Variants in NCDN observed in about 807,000 individuals in gnomAD.
The protein encoded by NCDN is neurochondrin.
Under a neutral mutation model 60.7 loss-of-function variants are expected in NCDN, and 9 were observed. That is an observed-to-expected ratio of 0.15 (90% confidence interval 0.09 to 0.26). The LOEUF (loss-of-function observed/expected upper bound fraction) is 0.26. NCDN is among the 10% of genes least tolerant of loss of function. The pLI is 1.00. For missense variants in NCDN, 578 were observed against 975.2 expected, an observed-to-expected ratio of 0.59 and a Z score of 5.42; for synonymous variants, 409 against 442.5, an observed-to-expected ratio of 0.92 and a Z score of 0.95.
rs1418681890 is a variant in NCDN, at chr1:35,563,493, A to G, written c.1610+67A>G. On this transcript the variant is annotated intron_variant, in intron 5 of 6. Transcript: ENST00000373243. This position sits in a 1 kb window ranked among gnomAD's most constrained non-coding sequence, Gnocchi z 6.6. Reference sequence around the variant, plus strand: ...CAAAGGAGGCTGCCCAGTTGCCTCAATTCTCAGTCTCCTACTTTGCCCCCC... The same window carrying G: ...CAAAGGAGGCTGCCCAGTTGCCTCAGTTCTCAGTCTCCTACTTTGCCCCCC... The G allele has an allele frequency of 5.2e-6, 8 of 1,527,052 alleles. No individual in the cohort carries two copies. Among genetic ancestry groups the G allele is most frequent in the East Asian group, 2.3e-5 (1 of 44,068 alleles). The allele number at this position is 1,527,052 out of a possible 1,614,324, so 94.6% of individuals were successfully genotyped here. A position where few individuals can be genotyped will look rare whatever the true frequency, so the allele number is the denominator to read the frequency against.
Position 35,557,897 on chromosome 1 carries a change from C to T in NCDN, c.-294C>T. On this transcript the variant is annotated 5_prime_UTR_variant, in exon 1 of 7. Transcript: ENST00000373243. The stretch of plus-strand genomic sequence containing the variant: ...GGCCGCAGCCTGGTGAGCTCAGCCC[C>T]CTTCGGGCCCTCCCCTGCATCCCAG... The T allele has an allele frequency of 3.2e-6, 2 of 625,394 alleles. No individual in the cohort carries two copies. The highest frequency in any genetic ancestry group is 1.6e-5 in the South Asian group (1 of 61,474). 38.7% of individuals were successfully genotyped at this position (625,394 alleles called of 1,614,324 possible).
At chr1:35,564,301 C>T (rs547528039) in intron 6 of NCDN, among the ~76,000 whole-genome samples, 1 of 152,302 alleles carries the variant, frequency 6.6e-6, no homozygotes, top group South Asian at 2.1e-4. Context: ...TACCTCACCC[C>T]CATCAGTGAC....
chr1:35,558,540 A>G lies in NCDN; in HGVS notation c.33+317A>G. Reference sequence around the variant, plus strand: ...CTGGCTGGAGGGGTGGGGTCCCCAAAGGGGCCTCCAAGCCTTCCCTGTTGA... The same window carrying G: ...CTGGCTGGAGGGGTGGGGTCCCCAAGGGGGCCTCCAAGCCTTCCCTGTTGA... On this transcript the variant is annotated intron_variant, in intron 1 of 6. Transcript: ENST00000373243. This position sits in a 1 kb window ranked among gnomAD's most constrained non-coding sequence, Gnocchi z 6.3. 1 of 1,333,036 alleles carries G rather than the reference A, an allele frequency of 7.5e-7. No homozygotes were observed. The highest frequency in any genetic ancestry group is 9.6e-7 in the Non-Finnish European group (1 of 1,040,256). The allele number at this position is 1,333,036 out of a possible 1,614,324, so 82.6% of individuals were successfully genotyped here. A position where few individuals can be genotyped will look rare whatever the true frequency, so the allele number is the denominator to read the frequency against.
chr1:35,558,075 TGCCC>T lies in NCDN; in HGVS notation c.-115_-112del. On this transcript the variant is annotated 5_prime_UTR_variant, in exon 1 of 7. The change creates a premature stop within an existing upstream ORF in the 5' untranslated region. Coordinates refer to ENST00000373243, the MANE Select transcript of NCDN (RefSeq NM_014284.3). The surrounding 1 kb of genome is among the most constrained non-coding windows in gnomAD (Gnocchi z 6.3). ...ATATATATCTTTTTTTTTTTTAATT[TGCCC>T]TGTCATCTTTGGGGGCTGTCTCCCA... 2 of 1,411,500 alleles carry T rather than the reference TGCCC, an allele frequency of 1.4e-6. No individual in the cohort carries two copies. The highest frequency in any genetic ancestry group is 2.0e-5 in the Admixed American group (1 of 50,332). 87.4% of individuals were successfully genotyped at this position (1,411,500 alleles called of 1,614,324 possible).
At position 35,562,880 on chromosome 1, in the gene NCDN, G is replaced by A. The variant is rs1419746999; in HGVS notation, c.1385+247G>A. On this transcript the variant is annotated intron_variant, in intron 4 of 6. Coordinates refer to ENST00000373243, the MANE Select transcript of NCDN (RefSeq NM_014284.3). The surrounding 1 kb of genome is among the most constrained non-coding windows in gnomAD (Gnocchi z 6.8). Reference sequence around the variant, plus strand: ...CTTATTGAGCACCTACTACGAGCCAGGTATTTTGCTATACCCTTTACCAAA... The same window carrying A: ...CTTATTGAGCACCTACTACGAGCCAAGTATTTTGCTATACCCTTTACCAAA... Among the ~76,000 whole-genome samples the A allele has an allele frequency of 6.6e-6, 1 of 152,198 alleles. No individual in the cohort carries two copies. Among genetic ancestry groups the A allele is most frequent in the African/African-American group, 2.4e-5 (1 of 41,436 alleles).
Position 35,558,872 on chromosome 1 carries a change from C to T in NCDN, c.34-235C>T, listed in dbSNP as rs1053386006. Among the ~76,000 whole-genome samples the T allele has an allele frequency of 1.1e-4, 17 of 152,128 alleles. No individual in the cohort carries two copies. The highest frequency in any genetic ancestry group is 2.2e-4 in the Non-Finnish European group (15 of 68,018). ...AGCAGCATGCATGGTCCTTCTTTCC[C>T]GCTTTCTGGAGGTGACCTTGGACCA... On this transcript the variant is annotated intron_variant, in intron 1 of 6. Coordinates refer to ENST00000373243, the MANE Select transcript of NCDN (RefSeq NM_014284.3). The surrounding 1 kb of genome is among the most constrained non-coding windows in gnomAD (Gnocchi z 6.3).
Position 35,566,391 on chromosome 1 carries a change from G to T in NCDN, c.*728G>T. 4.4e-6 allele frequency: 1 copy of T among 225,958 alleles called. No homozygotes were observed. Among genetic ancestry groups the T allele is most frequent in the Non-Finnish European group, 9.0e-6 (1 of 110,886 alleles). The allele number at this position is 225,958 out of a possible 1,614,324, so 14.0% of individuals were successfully genotyped here. ...GGTTGGGGGGTTATTTATTTTGCCT[G>T]TCCTTATCCCTGCTTGGACACCTGA... On this transcript the variant is annotated 3_prime_UTR_variant, in exon 7 of 7. Coordinates refer to ENST00000373243, the MANE Select transcript of NCDN (RefSeq NM_014284.3). The surrounding 1 kb of genome is among the most constrained non-coding windows in gnomAD (Gnocchi z 5.3).
Position 35,560,939 on chromosome 1 carries a change from C to T in NCDN, c.788C>T (p.Ala263Val), listed in dbSNP as rs144588804. 3.7e-6 allele frequency: 6 copies of T among 1,613,310 alleles called. No individual in the cohort carries two copies. The African/African-American group carries it at 8.0e-5, about 22-fold the overall frequency. The part of the protein sequence containing the change: ...VPPECYRDLQ[A>V]GLARILGSKL... ...CCTGAATGCTACCGGGATCTGCAGG[C>T]CGGGCTGGCACGCATCCTGGGAAGC... is the stretch of plus-strand genomic sequence containing the variant. Residue 263 changes from alanine to valine, a missense_variant, in exon 3 of 7, where the codon GCC (alanine) becomes GTC (valine). Ala to Val is a moderately conservative substitution (Grantham distance 64). Transcript: ENST00000373243. This position sits in a 1 kb window ranked among gnomAD's most constrained non-coding sequence, Gnocchi z 7.6.
At position 35,561,313 on chromosome 1, in the gene NCDN, AC is replaced by A. The variant is rs753219774; in HGVS notation, c.1143+20del. The A allele has an allele frequency of 1.9e-6, 3 of 1,559,078 alleles. No individual in the cohort carries two copies. In the African/African-American group the frequency reaches 4.0e-5, roughly 21 times the overall value. On this transcript the variant is annotated intron_variant, in intron 3 of 6. Coordinates refer to ENST00000373243, the MANE Select transcript of NCDN (RefSeq NM_014284.3). The surrounding 1 kb of genome is among the most constrained non-coding windows in gnomAD (Gnocchi z 4.9). Reference sequence around the variant, plus strand: ...GCTGCAGGTGAGGGTGCAGTGACCCACAGAGGGGGCCCAGTATGGGGGGAGC... The same window carrying A: ...GCTGCAGGTGAGGGTGCAGTGACCCAAGAGGGGGCCCAGTATGGGGGGAGC...
chr1:35,559,305 G>A, intron 2 of NCDN, 58 bp downstream of exon 2: 1 of 1,609,214 alleles, frequency 6.2e-7, no homozygotes, highest in South Asian at 1.1e-5. Context: ...GGCCCCCAAG[G>A]AATGGGGTCA....
Position 35,563,459 on chromosome 1 carries a change from C to A in NCDN, c.1610+33C>A. 1 of 1,599,726 alleles carries A rather than the reference C, an allele frequency of 6.3e-7. No individual in the cohort carries two copies. Among genetic ancestry groups the A allele is most frequent in the Non-Finnish European group, 8.6e-7 (1 of 1,168,892 alleles). On this transcript the variant is annotated intron_variant, in intron 5 of 6. Transcript: ENST00000373243. This position sits in a 1 kb window ranked among gnomAD's most constrained non-coding sequence, Gnocchi z 6.6. ...GCTCGGGAGAGGTGGGGGAGGAGGCCGGAGGAGGCAAAGGAGGCTGCCCAG... is the reference window on the plus strand; with the variant it reads ...GCTCGGGAGAGGTGGGGGAGGAGGCAGGAGGAGGCAAAGGAGGCTGCCCAG...
At position 35,565,452 on chromosome 1, in the gene NCDN, G is replaced by A. The variant is rs1285645168; in HGVS notation, c.1979G>A (p.Arg660His). ...CCCTGGCTGGCCCCCGCTGCCCTGCGCTCCCGCTGGCCGCAGGAGCTGCTC... is the reference window on the plus strand; with the variant it reads ...CCCTGGCTGGCCCCCGCTGCCCTGCACTCCCGCTGGCCGCAGGAGCTGCTC... The part of the protein sequence containing the change: ...LLPWLAPAAL[R>H]SRWPQELLQL... The change falls in exon 7 of 7, where the codon CGC (arginine) becomes CAC (histidine). Residue 660 changes from arginine (R) to histidine (H), a missense_variant. Physicochemically the swap from Arg to His is conservative, Grantham distance 29. This residue lies in a region of NCDN where 191 missense variants were observed against 372.1 expected (regional missense o/e 0.51). Transcript: ENST00000373243. The surrounding 1 kb of genome is among the most constrained non-coding windows in gnomAD (Gnocchi z 8.9). 3.1e-6 allele frequency: 5 copies of A among 1,609,588 alleles called. No homozygotes were observed. Among genetic ancestry groups the A allele is most frequent in the Non-Finnish European group, 4.2e-6 (5 of 1,178,372 alleles).
Position 35,560,818 on chromosome 1 carries a change from C to T in NCDN, c.667C>T (p.Arg223Trp), listed in dbSNP as rs1482190924. Residue 223 changes from arginine (R) to tryptophan (W), a missense_variant, in exon 3 of 7, where the codon CGG becomes TGG. This residue lies in a region of NCDN where 363 missense variants were observed against 583.6 expected (regional missense o/e 0.62). Transcript: ENST00000373243. This position sits in a 1 kb window ranked among gnomAD's most constrained non-coding sequence, Gnocchi z 7.6. Reference protein sequence around the residue: ...EAEPDLLAVLRGLSEDFQKAE... With the variant: ...EAEPDLLAVLWGLSEDFQKAE... ...GGAGCCCGACCTGCTGGCCGTGTTG[C>T]GGGGCCTCAGTGAGGATTTCCAGAA... The T allele has an allele frequency of 3.7e-6, 6 of 1,613,804 alleles. No individual in the cohort carries two copies. Among genetic ancestry groups the T allele is most frequent in the Middle Eastern group, 3.3e-4 (2 of 6,082 alleles).
At position 35,565,138 on chromosome 1, in the gene NCDN, T is replaced by A. The variant is rs1344473967; in HGVS notation, c.1754-89T>A. ...TGATTCCAGGCTGTGCCCTGGCTCC[T>A]GCATGTGTCTACACAGAGGACTAGG... is the stretch of plus-strand genomic sequence containing the variant. On this transcript the variant is annotated intron_variant, in intron 6 of 6. Coordinates refer to ENST00000373243, the MANE Select transcript of NCDN (RefSeq NM_014284.3). This position sits in a 1 kb window ranked among gnomAD's most constrained non-coding sequence, Gnocchi z 8.9. The A allele has an allele frequency of 7.5e-7, 1 of 1,326,138 alleles. No individual in the cohort carries two copies. Among genetic ancestry groups the A allele is most frequent in the Non-Finnish European group, 1.0e-6 (1 of 965,044 alleles). The allele number at this position is 1,326,138 out of a possible 1,614,324, so 82.1% of individuals were successfully genotyped here.
At position 35,558,747 on chromosome 1, in the gene NCDN, G is replaced by T; in HGVS notation, c.34-360G>T. 2 of 1,149,852 alleles carry T rather than the reference G, an allele frequency of 1.7e-6. No homozygotes were observed. The highest frequency in any genetic ancestry group is 2.2e-6 in the Non-Finnish European group (2 of 923,708). 71.2% of individuals were successfully genotyped at this position (1,149,852 alleles called of 1,614,324 possible). A position where few individuals can be genotyped will look rare whatever the true frequency, so the allele number is the denominator to read the frequency against. On this transcript the variant is annotated intron_variant, in intron 1 of 6. Coordinates refer to ENST00000373243, the MANE Select transcript of NCDN (RefSeq NM_014284.3). This position sits in a 1 kb window ranked among gnomAD's most constrained non-coding sequence, Gnocchi z 6.3. The stretch of plus-strand genomic sequence containing the variant: ...CACTCCCTCTGTGTCCCTGTGGAGG[G>T]AGATAAAACCCAGCCTCCGGTGCCA...
Position 35,566,679 on chromosome 1 carries a change from A to G in NCDN, c.*1016A>G, listed in dbSNP as rs188515142. ...CACACACACACACACACACACACAC[A>G]CTCTTGATCCCTTGCTTCCCTCCCC... On this transcript the variant is annotated 3_prime_UTR_variant, in exon 7 of 7. Coordinates refer to ENST00000373243, the MANE Select transcript of NCDN (RefSeq NM_014284.3). The surrounding 1 kb of genome is among the most constrained non-coding windows in gnomAD (Gnocchi z 5.3). 2.5e-6 allele frequency: 1 copy of G among 396,418 alleles called. No homozygotes were observed. Among genetic ancestry groups the G allele is most frequent in the African/African-American group, 2.4e-5 (1 of 42,316 alleles). 24.6% of individuals were successfully genotyped at this position (396,418 alleles called of 1,614,324 possible). A position where few individuals can be genotyped will look rare whatever the true frequency, so the allele number is the denominator to read the frequency against.
At position 35,558,649 on chromosome 1, in the gene NCDN, A is replaced by T; in HGVS notation, c.33+426A>T. Reference sequence around the variant, plus strand: ...GAAGCCTGGGGTGTCCTTTTCTCCCATGTCAGCCTGAGTCCGGATAATCGA... The same window carrying T: ...GAAGCCTGGGGTGTCCTTTTCTCCCTTGTCAGCCTGAGTCCGGATAATCGA... On this transcript the variant is annotated intron_variant, in intron 1 of 6. Transcript: ENST00000373243. This position sits in a 1 kb window ranked among gnomAD's most constrained non-coding sequence, Gnocchi z 6.3. 8.8e-7 allele frequency: 1 copy of T among 1,142,818 alleles called. No homozygotes were observed. The allele number at this position is 1,142,818 out of a possible 1,614,324, so 70.8% of individuals were successfully genotyped here.
Position 35,559,224 on chromosome 1 carries a change from G to A in NCDN, c.151G>A (p.Glu51Lys), listed in dbSNP as rs1420018670. ...GALREAKNDS[E>K]QFAALLLVTK... is the part of the protein sequence containing the mutation. ...CCTCCGTGAGGCCAAGAATGACAGC[G>A]AGCAGTTTGCAGCCCTGCTGCTAGT... is the stretch of plus-strand genomic sequence containing the variant. The change falls in exon 2 of 7, where the codon GAG becomes AAG. Residue 51 changes from glutamate to lysine, a missense_variant. Coordinates refer to ENST00000373243, the MANE Select transcript of NCDN (RefSeq NM_014284.3). The A allele has an allele frequency of 6.2e-7, 1 of 1,614,162 alleles. No individual in the cohort carries two copies. Among genetic ancestry groups the A allele is most frequent in the Non-Finnish European group, 8.5e-7 (1 of 1,180,020 alleles).
In NCDN at chr1:35,563,346, G is replaced by T. The variant is rs755819723; in HGVS notation, c.1530G>T (p.Leu510=). 1.2e-6 allele frequency: 2 copies of T among 1,614,202 alleles called. No homozygotes were observed. Among genetic ancestry groups the T allele is most frequent in the South Asian group, 1.1e-5 (1 of 91,090 alleles). ...CCCCTGGCCACGACACCTCGGTGCT[G>T]CCTGACAGCGTGGAGATTGGCCTGC... The part of the protein sequence containing the change: ...LTSPGHDTSV[L]PDSVEIGLQT... The change falls in exon 5 of 7, where the codon CTG becomes CTT. Residue 510 remains leucine, a synonymous_variant. Transcript: ENST00000373243. This position sits in a 1 kb window ranked among gnomAD's most constrained non-coding sequence, Gnocchi z 6.6.
Sources: gnomAD v4.1 joint callset for allele counts (sites outside exome capture counted in the v4.1 genomes callset) on GRCh38, gnomAD v4.1.1 for gene constraint, gnomAD v4.1.1 regional missense constraint, Gnocchi (gnomAD v3.1) non-coding constraint, MANE v1.5 for transcripts, NCBI Gene and HGNC (gene_info 2026-07-23, HGNC 2026-07-21) for gene names.